PDE8B: variants seen among roughly 807,000 people sequenced by gnomAD.
The protein encoded by PDE8B is high affinity cAMP-specific and IBMX-insensitive 3',5'-cyclic phosphodiesterase 8B.
In PDE8B, 26 loss-of-function variants were observed where a neutral mutation model predicts 101.3. The observed-to-expected ratio is 0.26, with a 90% confidence interval of 0.19 to 0.36. The LOEUF (loss-of-function observed/expected upper bound fraction) is 0.36. Among genes scored for constraint, PDE8B ranks in the 10% least tolerant of loss-of-function variants. PDE8B has a pLI of 1.00. For missense variants in PDE8B, 810 were observed against 1,163.1 expected, an observed-to-expected ratio of 0.70 and a Z score of 4.42; for synonymous variants, 424 against 429.3, an observed-to-expected ratio of 0.99 and a Z score of 0.15.
chr5:77,180,967 C>CGTGTGTGTGTGTGTGTGT, the PDE8B span, among the ~76,000 whole-genome samples: 55 of 147,632 alleles, frequency 3.7e-4, no homozygotes, highest in African/African-American at 1.3e-3. Flanking sequence ...GGTGTGTACA[C>CGTGTGTGTGTGTGTGTGT]GTGTGTGTGT....
At chr5:77,309,630 C>CT (rs993509739) in intron 1 of PDE8B, among the ~76,000 whole-genome samples, 60 of 147,234 alleles carry the variant, frequency 4.1e-4, no homozygotes, top group African/African-American at 6.7e-4. Context: ...ATTGGTTTCA[C>CT]TTTTTTTTTT....
chr5:77,159,457 C>T, the PDE8B span, among the ~76,000 whole-genome samples: 1 of 152,156 alleles, frequency 6.6e-6, no homozygotes, highest in Non-Finnish European at 1.5e-5. Context: ...ATGCTTCCTG[C>T]CTTTGAACCT....
intron 1 of PDE8B, among the ~76,000 whole-genome samples, chr5:77,271,174 A>G (rs564123924): frequency 1.1e-4 from 17 of 152,350 alleles, no homozygotes; most frequent in Non-Finnish European, 1.0e-4. Flanking sequence ...ATAAAAGACC[A>G]TAAGATCTCC....
chr5:77,088,836 C>T, the PDE8B span: 1 of 152,200 alleles, frequency 6.6e-6, no homozygotes, highest in Non-Finnish European at 1.5e-5. Context: ...TGCCTCTCTT[C>T]ATTTAGGGCC....
chr5:77,163,435 G>A, the PDE8B span, among the ~76,000 whole-genome samples: 17 of 152,150 alleles, frequency 1.1e-4, no homozygotes, highest in Non-Finnish European at 1.8e-4. Context: ...TGTTATTATT[G>A]CACTTCTGAA....
chr5:77,226,834 G>T (rs891196206), intron 1 of PDE8B, among the ~76,000 whole-genome samples: 1 of 152,120 alleles, frequency 6.6e-6, no homozygotes, highest in African/African-American at 2.4e-5. Flanking sequence ...TTTCATGGAG[G>T]TGTGAGATCT....
In PDE8B at chr5:77,211,489, T is replaced by TG. The variant is rs1748397234; in HGVS notation, c.339+230dup. Among the ~76,000 whole-genome samples the TG allele has an allele frequency of 6.6e-6, 1 of 152,126 alleles. No homozygotes were observed. Among genetic ancestry groups the TG allele is most frequent in the Non-Finnish European group, 1.5e-5 (1 of 68,032 alleles). ...TCCTGGAAGCGTCCTTAGCTGGTCC[T>TG]GGGGGACTGGGCGGGGAAGGGAGCG... is the stretch of plus-strand genomic sequence containing the variant. On this transcript the variant is annotated intron_variant, in intron 1 of 21. Transcript: ENST00000264917. The surrounding 1 kb of genome is among the most constrained non-coding windows in gnomAD (Gnocchi z 4.1).
chr5:77,097,080 G>C, the PDE8B span, among the ~76,000 whole-genome samples: 1 of 152,072 alleles, frequency 6.6e-6, no homozygotes, highest in African/African-American at 2.4e-5. Flanking sequence ...AGATTACTTA[G>C]TTTTTCCTTA....
At chr5:77,203,243 C>T in the PDE8B span, among the ~76,000 whole-genome samples, 3 of 152,230 alleles carry the variant, frequency 2.0e-5, no homozygotes, top group African/African-American at 7.2e-5. Flanking sequence ...CTCTTTCCCA[C>T]TTATTCAAAT....
At chr5:77,134,106 A>G in the PDE8B span, among the ~76,000 whole-genome samples, 5 of 152,178 alleles carry the variant, frequency 3.3e-5, no homozygotes, top group South Asian at 2.1e-4. Flanking sequence ...GAATAGGACA[A>G]TGACCATGGG....
intron 10 of PDE8B, among the ~76,000 whole-genome samples, chr5:77,355,177 G>A (rs1183924576): frequency 2.0e-5 from 3 of 152,134 alleles, no homozygotes; most frequent in Non-Finnish European, 4.4e-5. Flanking sequence ...AGGGGTGGGG[G>A]GCCACCTGCT....
At chr5:77,225,949 GTT>G (rs1752310243) in intron 1 of PDE8B, among the ~76,000 whole-genome samples, 1 of 98,634 alleles carries the variant, frequency 1.0e-5, no homozygotes, top group Non-Finnish European at 2.1e-5. Context: ...ACTGAAAACA[GTT>G]TGATTTTTTT....
intron 6 of PDE8B, among the ~76,000 whole-genome samples, chr5:77,342,381 C>G (rs1422978104): frequency 1.3e-5 from 2 of 152,166 alleles, no homozygotes. Context: ...AAAGTTGCCT[C>G]AGGTCGCATA....
At chr5:77,378,043 CACA>C (rs2150756361) in intron 10 of PDE8B, among the ~76,000 whole-genome samples, 1 of 104,436 alleles carries the variant, frequency 9.6e-6, no homozygotes, top group East Asian at 2.3e-4. Context: ...CACACACACA[CACA>C]CACCCCCTGT....
At chr5:77,207,233 C>T (rs574463000), upstream of PDE8B, among the ~76,000 whole-genome samples, 18 of 152,288 alleles carry the variant, frequency 1.2e-4, no homozygotes, top group East Asian at 3.5e-3. Context: ...ATTGTTTTAA[C>T]CTTTACAGCT....
intron 1 of PDE8B, among the ~76,000 whole-genome samples, chr5:77,240,405 G>A (rs545508072): frequency 6.6e-6 from 1 of 151,696 alleles, no homozygotes; most frequent in African/African-American, 2.4e-5. Context: ...CGCCCGCCTC[G>A]GCCTCCCAAA....
chr5:77,337,773 G>A (rs977851675), intron 6 of PDE8B, among the ~76,000 whole-genome samples: 35 of 152,158 alleles, frequency 2.3e-4, no homozygotes, highest in Admixed American at 1.5e-3. Context: ...GCCTCAATAT[G>A]CATGAAGTAG....
chr5:77,243,690 A>G (rs1027726874), intron 1 of PDE8B, among the ~76,000 whole-genome samples: 1 of 152,158 alleles, frequency 6.6e-6, no homozygotes, highest in Non-Finnish European at 1.5e-5. Flanking sequence ...GTTCCATTTT[A>G]TTGCTAAGTG....
intron 1 of PDE8B, among the ~76,000 whole-genome samples, chr5:77,304,663 G>C (rs1580912531): frequency 2.0e-5 from 3 of 152,214 alleles, no homozygotes; most frequent in Middle Eastern, 3.4e-3. Context: ...AAATAGTAGG[G>C]CATAAAACAT....
Sources: gnomAD v4.1 joint callset for allele counts (sites outside exome capture counted in the v4.1 genomes callset) on GRCh38, gnomAD v4.1.1 for gene constraint, Gnocchi (gnomAD v3.1) non-coding constraint, MANE v1.5 for transcripts, NCBI Gene and HGNC (gene_info 2026-07-23, HGNC 2026-07-21) for gene names.